PEPD: variants seen among roughly 807,000 people sequenced by gnomAD.
PEPD encodes peptidase D.
PEPD carries 53 observed loss-of-function variants against 60.7 expected under a neutral mutation model. The ratio of observed to expected loss-of-function variants is 0.87; its 90% CI spans 0.70 to 1.10. The LOEUF is 1.10. PEPD is among the 50% of genes least tolerant of loss of function. The pLI is 0.00. For missense variants in PEPD, 711 were observed against 711.9 expected, an observed-to-expected ratio of 1.00 and a Z score of 0.01; for synonymous variants, 267 against 284.1, an observed-to-expected ratio of 0.94 and a Z score of 0.60.
intron 9 of PEPD, among the ~76,000 whole-genome samples, chr19:33,460,540 C>T (rs1969906852): frequency 6.6e-6 from 1 of 152,170 alleles, no homozygotes; most frequent in South Asian, 2.1e-4. Context: ...CAACTCGGTC[C>T]CCTCAGGAAC....
chr19:33,397,907 C>T (rs1354635533), intron 12 of PEPD, among the ~76,000 whole-genome samples: 2 of 152,182 alleles, frequency 1.3e-5, no homozygotes, highest in Admixed American at 6.5e-5. Context: ...CGAGGTCTGG[C>T]CACTTTCTGG....
At chr19:33,494,849 T>C (rs1217868106) in intron 4 of PEPD, among the ~76,000 whole-genome samples, 2 of 152,244 alleles carry the variant, frequency 1.3e-5, no homozygotes, top group South Asian at 2.1e-4. Context: ...TAATGGACAC[T>C]ACTCATTCCT....
chr19:33,429,849 G>A (rs773328137), intron 9 of PEPD, among the ~76,000 whole-genome samples: 30 of 152,150 alleles, frequency 2.0e-4, no homozygotes, highest in Admixed American at 1.4e-3. Flanking sequence ...AAAGATAAAT[G>A]CCCAAGAAAT....
At chr19:33,467,184 GA>G (rs1326652043) in intron 7 of PEPD, among the ~76,000 whole-genome samples, 1 of 150,924 alleles carries the variant, frequency 6.6e-6, no homozygotes, top group African/African-American at 2.4e-5. Context: ...AAGAAAGAAA[GA>G]AAAAGAAAAA....
intron 4 of PEPD, 81 bp downstream of exon 4, chr19:33,500,857 G>A (rs1213704313): frequency 1.2e-6 from 1 of 831,116 alleles, no homozygotes. Context: ...GCAAGGTTGT[G>A]GCAGTGGAAG....
At chr19:33,464,352 G>A (rs1170760903) in intron 7 of PEPD, among the ~76,000 whole-genome samples, 1 of 152,178 alleles carries the variant, frequency 6.6e-6, no homozygotes. Flanking sequence ...GAAGAAGCCT[G>A]GTTGCTGCAG....
intron 3 of PEPD, among the ~76,000 whole-genome samples, chr19:33,506,519 C>T (rs981527151): frequency 2.7e-5 from 4 of 150,078 alleles, no homozygotes; most frequent in African/African-American, 9.8e-5. Context: ...TACACACCCT[C>T]ACATGCACCC....
chr19:33,512,798 C>G, intron 1 of PEPD, 22 bp from the exon 2 acceptor site: 1 of 1,613,348 alleles, frequency 6.2e-7, no homozygotes. Context: ...AGAGCACACA[C>G]CGCCACACAG....
intron 7 of PEPD, 56 bp from the exon 8 acceptor site, chr19:33,464,118 G>A (rs955436114): frequency 1.2e-5 from 15 of 1,303,568 alleles, no homozygotes; most frequent in Non-Finnish European, 1.6e-5. Context: ...GGCACTGGCT[G>A]GACCCCTCCA....
rs747816451 is a variant in PEPD at position 33,442,545 on chromosome 19, AAT to A, written c.671+20448_671+20449del. On this transcript the variant is annotated intron_variant, in intron 9 of 14. Transcript: ENST00000244137. Reference sequence around the variant, plus strand: ...GAAAACCCATCTCTACTAAAAATAAAATAAAAAAAAAAAATTAGCCGGGCGTG... The same window carrying A: ...GAAAACCCATCTCTACTAAAAATAAAAAAAAAAAAAAATTAGCCGGGCGTG... Among the ~76,000 whole-genome samples, 184 of 141,948 alleles carry A rather than the reference AAT, an allele frequency of 1.3e-3. 2 individuals are homozygous for A. The highest frequency in any genetic ancestry group is 4.4e-3 in the African/African-American group (163 of 37,406). The allele number at this position is 141,948 out of a possible 152,430, so 93.1% of individuals were successfully genotyped here.
intron 7 of PEPD, among the ~76,000 whole-genome samples, chr19:33,472,056 G>A (rs1970130306): frequency 6.6e-6 from 1 of 152,098 alleles, no homozygotes; most frequent in South Asian, 2.1e-4. Context: ...AGCTACTCGG[G>A]AGGCTGAGGC....
At chr19:33,412,806 A>G (rs1968807096) in intron 10 of PEPD, among the ~76,000 whole-genome samples, 1 of 152,226 alleles carries the variant, frequency 6.6e-6, no homozygotes, top group Non-Finnish European at 1.5e-5. Flanking sequence ...GGCAGGGGCC[A>G]GACCCGAGGG....
chr19:33,515,710 G>A (rs550962384), intron 1 of PEPD, among the ~76,000 whole-genome samples: 1 of 149,690 alleles, frequency 6.7e-6, no homozygotes, highest in East Asian at 2.0e-4. Context: ...CGAATAGCAT[G>A]ACCGGCCGAA....
chr19:33,490,742 C>T (rs1008308471), intron 5 of PEPD, among the ~76,000 whole-genome samples: 2 of 152,192 alleles, frequency 1.3e-5, no homozygotes, highest in African/African-American at 4.8e-5. Context: ...CGGCTCACCT[C>T]AGCCTCCACC....
intron 11 of PEPD, among the ~76,000 whole-genome samples, chr19:33,403,952 A>G (rs1968559081): frequency 1.3e-5 from 2 of 152,230 alleles, no homozygotes; most frequent in Admixed American, 1.3e-4. Context: ...ACTCCTGCAC[A>G]GGGCCTAGGC....
intron 9 of PEPD, among the ~76,000 whole-genome samples, chr19:33,453,991 G>A (rs911778147): frequency 3.9e-5 from 6 of 152,192 alleles, no homozygotes; most frequent in African/African-American, 1.4e-4. Context: ...GCACCAGGAC[G>A]TCTGGTCATA....
chr19:33,463,683 G>A lies in PEPD; in HGVS notation c.624+304C>T, dbSNP rs550568653. On this transcript the variant is annotated intron_variant, in intron 8 of 14. Transcript: ENST00000244137. ...AATGAGCTGAGAACTGCTGGGATAT[G>A]AAGAAGGAGCACTCTACCCTCCCAG... is the stretch of plus-strand genomic sequence containing the variant. Among the ~76,000 whole-genome samples the A allele has an allele frequency of 1.4e-3, 210 of 152,354 alleles. 5 individuals carry two copies. In the South Asian group the frequency reaches 0.042, roughly 30 times the overall value.
intron 9 of PEPD, among the ~76,000 whole-genome samples, chr19:33,461,366 T>A (rs2145269036): frequency 6.6e-6 from 1 of 151,564 alleles, no homozygotes; most frequent in Non-Finnish European, 1.5e-5. Context: ...CGGCGGGTAT[T>A]CCAGGTCCCC....
chr19:33,511,200 T>G (rs770990065), intron 2 of PEPD, 45 bp from the exon 3 acceptor site: 1 of 1,610,590 alleles, frequency 6.2e-7, no homozygotes, highest in Admixed American at 1.7e-5. Flanking sequence ...GAACATGAGG[T>G]GCAAGGAGGG....
Sources: gnomAD v4.1 joint callset for allele counts (sites outside exome capture counted in the v4.1 genomes callset) on GRCh38, gnomAD v4.1.1 for gene constraint, MANE v1.5 for transcripts, NCBI Gene and HGNC (gene_info 2026-07-23, HGNC 2026-07-21) for gene names.